The following PLOD3 variants were observed in gnomAD, a reference collection of about 807,000 sequenced individuals.
PLOD3 encodes the protein multifunctional procollagen lysine hydroxylase and glycosyltransferase LH3.
Under a neutral mutation model 96.9 loss-of-function variants are expected in PLOD3, and 73 were observed. The ratio of observed to expected loss-of-function variants is 0.75; its 90% CI spans 0.62 to 0.92. The LOEUF (loss-of-function observed/expected upper bound fraction) is 0.92. PLOD3 is among the 40% of genes least tolerant of loss of function. The pLI is 0.00. For synonymous variants in PLOD3, 454 were observed against 413.7 expected, an observed-to-expected ratio of 1.10 and a Z score of -1.18; for missense variants, 1,004 against 1,004.3, an observed-to-expected ratio of 1.00 and a Z score of 0.00.
intron 16 of PLOD3, 69 bp from the exon 17 acceptor site, chr7:101,207,793 C>T (rs1798113246): frequency 1.3e-6 from 2 of 1,546,764 alleles, no homozygotes; most frequent in East Asian, 4.5e-5. Context: ...GGCAGTCCAG[C>T]CTCCTTCCTC....
Position 101,212,643 on chromosome 7 carries a change from C to T in PLOD3, c.892G>A (p.Val298Met). 3 of 1,613,792 alleles carry T rather than the reference C, an allele frequency of 1.9e-6. No homozygotes were observed. Among genetic ancestry groups the T allele is most frequent in the Non-Finnish European group, 2.5e-6 (3 of 1,179,934 alleles). Residue 298 changes from valine (V) to methionine (M), a missense_variant, in exon 9 of 19, where the codon GTG becomes ATG. By Grantham distance (21) the Val-to-Met change is conservative. Around this residue, in one of 5 missense-constraint regions of PLOD3, gnomAD observed 690 missense variants for 650.2 expected, o/e 1.06. Transcript: ENST00000223127. Reference sequence around the variant, plus strand: ...TGTTCCACAAACACGGCCAGAAACACCCGGGGGGGAGGCTGGAAGATGCAA... The same window carrying T: ...TGTTCCACAAACACGGCCAGAAACATCCGGGGGGGAGGCTGGAAGATGCAA... ...TLPGGQPPPR[V>M]FLAVFVEQPT...
chr7:101,215,775 G>A (rs926156), intron 5 of PLOD3, 133 bp downstream of exon 5: 78 of 707,844 alleles, frequency 1.1e-4, no homozygotes, highest in Middle Eastern at 1.1e-3. Flanking sequence ...AGTCTTGGAT[G>A]ACAGGCGTGA....
chr7:101,208,201 G>A (rs762729087), intron 16 of PLOD3, among the ~76,000 whole-genome samples: 12 of 152,148 alleles, frequency 7.9e-5, no homozygotes, highest in Non-Finnish European at 1.0e-4. Flanking sequence ...GGGCTCAAGT[G>A]ATCCTTCTGC....
chr7:101,208,618 G>A, intron 16 of PLOD3: 1 of 508,478 alleles, frequency 2.0e-6, no homozygotes, highest in East Asian at 4.1e-5. Flanking sequence ...AACTCCCCCT[G>A]CTCGAGCAAT....
intron 6 of PLOD3, among the ~76,000 whole-genome samples, chr7:101,214,351 A>G (rs762638275): frequency 8.0e-5 from 12 of 150,864 alleles, no homozygotes; most frequent in Non-Finnish European, 7.4e-5. Flanking sequence ...GGCTGGTCTC[A>G]AACTCCTGAC....
chr7:101,209,383 TTC>T (rs1384510818), intron 15 of PLOD3, among the ~76,000 whole-genome samples: 1 of 151,862 alleles, frequency 6.6e-6, no homozygotes, highest in Non-Finnish European at 1.5e-5. Flanking sequence ...ATTTTTTCTT[TTC>T]TTTTTTTTTT....
intron 15 of PLOD3, among the ~76,000 whole-genome samples, chr7:101,209,558 T>C (rs1429956544): frequency 6.7e-6 from 1 of 150,008 alleles, no homozygotes; most frequent in African/African-American, 2.4e-5. Context: ...TTGTGTTTTT[T>C]TTTTTTTTTT....
chr7:101,209,552 GTTTTTTTT>G (rs11295764), intron 15 of PLOD3, among the ~76,000 whole-genome samples: 18 of 110,336 alleles, frequency 1.6e-4, no homozygotes, highest in African/African-American at 5.8e-4. Flanking sequence ...TAATTTTTGT[GTTTTTTTT>G]TTTTTTTTTT....
chr7:101,216,349 G>A (rs1259560893), intron 3 of PLOD3, 23 bp from the exon 4 acceptor site: 1 of 1,613,488 alleles, frequency 6.2e-7, no homozygotes, highest in Non-Finnish European at 8.5e-7. Flanking sequence ...GGGGAGGATG[G>A]GCAGGGGTCC....
Position 101,215,966 on chromosome 7 carries a change from T to G in PLOD3, c.557A>C (p.Lys186Thr). Residue 186 changes from lysine to threonine, a missense_variant, in exon 5 of 19, where the codon AAG (lysine) becomes ACG (threonine). This residue lies in a region of PLOD3 where 690 missense variants were observed against 650.2 expected (regional missense o/e 1.06). Coordinates refer to ENST00000223127, the MANE Select transcript of PLOD3 (RefSeq NM_001084.5). The stretch of plus-strand genomic sequence containing the variant: ...GAACAGCTGGTCGTCGTCATCATCC[T>G]TGTACTTCCACTGGCGCACGATTTG... ...IHQIVRQWKYKDDDDDQLFYT... is the reference protein window; with the variant it reads ...IHQIVRQWKYTDDDDDQLFYT... 6.2e-7 allele frequency: 1 copy of G among 1,612,554 alleles called. No individual in the cohort carries two copies. Among genetic ancestry groups the G allele is most frequent in the South Asian group, 1.1e-5 (1 of 91,004 alleles).
chr7:101,216,265 T>C lies in PLOD3; in HGVS notation c.400A>G (p.Ser134Gly). The change falls in exon 4 of 19, where the codon AGC becomes GGC. Residue 134 changes from serine to glycine, a missense_variant. Transcript: ENST00000223127. ...ELLKKFVQSG[S>G]RLLFSAESFC... Reference sequence around the variant, plus strand: ...CTCTCTGCAGAGAAGAGCAGGCGGCTGCCACTCTGGACGAACTTCTTCAGC... The same window carrying C: ...CTCTCTGCAGAGAAGAGCAGGCGGCCGCCACTCTGGACGAACTTCTTCAGC... The C allele has an allele frequency of 6.2e-7, 1 of 1,613,650 alleles. No homozygotes were observed. The highest frequency in any genetic ancestry group is 1.7e-5 in the Admixed American group (1 of 60,014).
chr7:101,212,052 T>C (rs1395133074), intron 10 of PLOD3, 102 bp from the exon 11 acceptor site: 6 of 1,032,018 alleles, frequency 5.8e-6, no homozygotes, highest in Non-Finnish European at 8.7e-6. Flanking sequence ...GCAGTGTCTA[T>C]CCTTCCTTCC....
intron 15 of PLOD3, 169 bp downstream of exon 15, chr7:101,209,924 C>G: frequency 1.7e-6 from 1 of 593,428 alleles, no homozygotes; most frequent in Non-Finnish European, 3.0e-6. Flanking sequence ...TCAATGCTGG[C>G]TTTGGGGGCA....
intron 6 of PLOD3, among the ~76,000 whole-genome samples, chr7:101,214,679 A>T (rs1022232305): frequency 3.3e-5 from 5 of 151,892 alleles, no homozygotes; most frequent in Non-Finnish European, 7.4e-5. Flanking sequence ...CTCTACTAAA[A>T]ATACAAAATG....
At position 101,217,260 on chromosome 7, in the gene PLOD3, C is replaced by T; in HGVS notation, c.15G>A (p.Gly5=). Residue 5 remains glycine, a synonymous_variant, in exon 1 of 19, where the codon GGG becomes GGA. Transcript: ENST00000223127. ...GCAGCAGCAGGAACCGGGGTCCAGG[C>T]CCCGAGGAGGTCATGGTGGGGAGCG... MTSS[G]PGPRFLLLLP... The T allele has an allele frequency of 6.7e-7, 1 of 1,489,124 alleles. No individual in the cohort carries two copies. The allele number at this position is 1,489,124 out of a possible 1,614,324, so 92.2% of individuals were successfully genotyped here.
intron 6 of PLOD3, chr7:101,213,504 TTG>T: frequency 1.1e-5 from 4 of 379,358 alleles, no homozygotes; most frequent in Admixed American, 4.1e-5. Flanking sequence ...CTCTCTCTCC[TTG>T]TTTTTTTTTT....
intron 15 of PLOD3, 80 bp from the exon 16 acceptor site, chr7:101,209,037 G>A (rs1798136426): frequency 3.0e-6 from 3 of 1,015,220 alleles, no homozygotes; most frequent in Non-Finnish European, 4.7e-6. Flanking sequence ...AGAATGGGAA[G>A]GGGCAGGGAG....
At chr7:101,207,509 G>C in intron 17 of PLOD3, 69 bp downstream of exon 17, 1 of 1,527,052 alleles carries the variant, frequency 6.5e-7, no homozygotes, top group Non-Finnish European at 9.0e-7. Flanking sequence ...AAAGGGGTCT[G>C]CGTGGAGACT....
rs1798183870 is a variant in PLOD3 at position 101,211,699 on chromosome 7, A to T, written c.1250T>A (p.Met417Lys). 6.2e-7 allele frequency: 1 copy of T among 1,605,774 alleles called. No homozygotes were observed. Residue 417 changes from methionine (M) to lysine (K), a missense_variant, in exon 12 of 19, where the codon ATG becomes AAG. Transcript: ENST00000223127. ...IEENRKVIAP[M>K]LSRHGKLWSN... ...CCACAGCTTGCCGTGGCGGGACAGC[A>T]TGGGGGCGATCACCTTCCTGCGGAC... is the stretch of plus-strand genomic sequence containing the variant.
Sources: gnomAD v4.1 joint callset for allele counts (sites outside exome capture counted in the v4.1 genomes callset) on GRCh38, gnomAD v4.1.1 for gene constraint, gnomAD v4.1.1 regional missense constraint, MANE v1.5 for transcripts, NCBI Gene and HGNC (gene_info 2026-07-23, HGNC 2026-07-21) for gene names.